FYB1: variants seen among roughly 807,000 people sequenced by gnomAD.
FYB1 encodes the protein FYN binding protein 1, also known as FYN-binding protein 1.
A neutral mutation model predicts 94.1 loss-of-function variants in FYB1; 41 were observed. The observed-to-expected ratio is 0.44, with a 90% CI of 0.34 to 0.57. The LOEUF (loss-of-function observed/expected upper bound fraction) is 0.57, where lower values mean the gene tolerates loss of function less well. FYB1 is among the 20% of genes least tolerant of loss of function. The pLI is 0.02. For missense variants in FYB1, 1,050 were observed against 976.8 expected, an observed-to-expected ratio of 1.07 and a Z score of -1.00; for synonymous variants, 367 against 353.2, an observed-to-expected ratio of 1.04 and a Z score of -0.44.
Position 39,168,205 on chromosome 5 carries a change from T to A in FYB1, c.1136-14601A>T, listed in dbSNP as rs28587564. Among the ~76,000 whole-genome samples, 687 of 152,340 alleles carry A rather than the reference T, an allele frequency of 4.5e-3. 4 individuals are homozygous for A. The highest frequency in any genetic ancestry group is 0.016 in the African/African-American group (645 of 41,570). ...TATTCCATTTTTAATTAAAGTGCCGTAATCAGGAATATTTCTCTTGAGTTT... is the reference window on the plus strand; with the variant it reads ...TATTCCATTTTTAATTAAAGTGCCGAAATCAGGAATATTTCTCTTGAGTTT... On this transcript the variant is annotated intron_variant, in intron 2 of 18. Coordinates refer to ENST00000512982, the MANE Select transcript of FYB1 (RefSeq NM_001465.6).
intron 5 of FYB1, chr5:39,138,978 T>C: frequency 1.8e-6 from 1 of 547,774 alleles, no homozygotes; most frequent in South Asian, 2.3e-5. Flanking sequence ...AAAATTTCCT[T>C]TTCTATCTTG....
At position 39,134,882 on chromosome 5, in the gene FYB1, A is replaced by G; in HGVS notation, c.1648T>C (p.Trp550Arg). ...GAACCCCTTGCTGTTCTGCCCAACC[A>G]TTTTCCTTCTGGGTTGTCTGTGATG... ...IRITDNPEGK[W>R]LGRTARGSYG... The change falls in exon 8 of 19, where the codon TGG becomes CGG. Residue 550 changes from tryptophan (W) to arginine (R), a missense_variant. Transcript: ENST00000512982. The G allele has an allele frequency of 1.9e-6, 3 of 1,613,486 alleles. No homozygotes were observed. The highest frequency in any genetic ancestry group is 2.5e-6 in the Non-Finnish European group (3 of 1,179,812).
chr5:39,138,668 T>C lies in FYB1; in HGVS notation c.1383A>G (p.Thr461=). The C allele has an allele frequency of 1.3e-6, 2 of 1,524,532 alleles. No individual in the cohort carries two copies. The highest frequency in any genetic ancestry group is 1.8e-6 in the Non-Finnish European group (2 of 1,106,742). The allele number at this position is 1,524,532 out of a possible 1,614,324, so 94.4% of individuals were successfully genotyped here. A position where few individuals can be genotyped will look rare whatever the true frequency, so the allele number is the denominator to read the frequency against. ...AATGTAATTCATACATGTCTTCATA[T>C]GTTTCTCCTTCACTGTCTTGTTCCT... ...LDEEQDSEGE[T]YEDIEASKER... Residue 461 remains threonine, a synonymous_variant, in exon 6 of 19, where the codon ACA becomes ACG. Coordinates refer to ENST00000512982, the MANE Select transcript of FYB1 (RefSeq NM_001465.6).
intron 1 of FYB1, among the ~76,000 whole-genome samples, chr5:39,217,905 C>T (rs76278782): frequency 0.011 from 1,747 of 152,268 alleles, 16 homozygotes; most frequent in Non-Finnish European, 0.019. Context: ...GTTTTTAAAG[C>T]ACATTGAGGC....
intron 2 of FYB1, among the ~76,000 whole-genome samples, chr5:39,156,498 G>A (rs1414000877): frequency 2.0e-5 from 3 of 152,136 alleles, no homozygotes; most frequent in Non-Finnish European, 1.5e-5. Context: ...ATTAGTTTTG[G>A]ACAATTGTCA....
At chr5:39,224,093 C>A (rs748406104), upstream of FYB1, among the ~76,000 whole-genome samples, 11 of 152,056 alleles carry the variant, frequency 7.2e-5, no homozygotes, top group Non-Finnish European at 1.3e-4. Flanking sequence ...TATTTTTCCA[C>A]AATTAAAAAA....
Position 39,105,771 on chromosome 5 carries a change from G to T in FYB1, c.*1672C>A, listed in dbSNP as rs910560840. ...AGTGTGAAAAGAAATTAATCACATG[G>T]TCATATACTGGCTAGTGCTCTCTAA... On this transcript the variant is annotated 3_prime_UTR_variant, in exon 19 of 19. Transcript: ENST00000512982. The T allele has an allele frequency of 2.6e-5, 4 of 152,014 alleles. No individual in the cohort carries two copies. Among genetic ancestry groups the T allele is most frequent in the African/African-American group, 9.7e-5 (4 of 41,382 alleles). The allele number at this position is 152,014 out of a possible 1,614,324, so 9.4% of individuals were successfully genotyped here. A position where few individuals can be genotyped will look rare whatever the true frequency, so the allele number is the denominator to read the frequency against.
chr5:39,105,779 C>T lies in FYB1; in HGVS notation c.*1664G>A, dbSNP rs1184004868. 1 of 152,116 alleles carries T rather than the reference C, an allele frequency of 6.6e-6. No individual in the cohort carries two copies. The highest frequency in any genetic ancestry group is 1.5e-5 in the Non-Finnish European group (1 of 68,018). 9.4% of individuals were successfully genotyped at this position (152,116 alleles called of 1,614,324 possible). A position where few individuals can be genotyped will look rare whatever the true frequency, so the allele number is the denominator to read the frequency against. ...AAGAAATTAATCACATGGTCATATA[C>T]TGGCTAGTGCTCTCTAAAAGTAGAC... is the stretch of plus-strand genomic sequence containing the variant. On this transcript the variant is annotated 3_prime_UTR_variant, in exon 19 of 19. Transcript: ENST00000512982.
intron 2 of FYB1, among the ~76,000 whole-genome samples, chr5:39,156,796 A>G (rs1743803328): frequency 6.6e-6 from 1 of 152,218 alleles, no homozygotes; most frequent in Non-Finnish European, 1.5e-5. Context: ...TGACTCTAAA[A>G]TCTCAATCTG....
upstream of FYB1, chr5:39,219,722 C>G (rs1750145744): frequency 2.4e-6 from 1 of 410,868 alleles, no homozygotes; most frequent in Admixed American, 6.4e-5. Context: ...AGTGTCTGTT[C>G]AGCCTGGATA....
At chr5:39,188,553 T>C (rs2150450069) in intron 2 of FYB1, among the ~76,000 whole-genome samples, 1 of 147,260 alleles carries the variant, frequency 6.8e-6, no homozygotes, top group African/African-American at 2.5e-5. Context: ...TTTTTTTTTT[T>C]TTTTTTTTGA....
chr5:39,202,394 G>C lies in FYB1; in HGVS notation c.567C>G (p.Pro189=). Residue 189 remains proline, a synonymous_variant, in exon 2 of 19, where the codon CCC becomes CCG. Transcript: ENST00000512982. ...KFMSASQDLE[P]KPLFPKPAFG... is the part of the protein sequence containing the mutation. ...AGGCGGGTTTGGGGAAGAGGGGCTT[G>C]GGTTCAAGATCTTGTGATGCTGACA... The C allele has an allele frequency of 4.3e-6, 7 of 1,613,926 alleles. No individual in the cohort carries two copies. Among genetic ancestry groups the C allele is most frequent in the Non-Finnish European group, 5.9e-6 (7 of 1,179,888 alleles).
At chr5:39,172,062 T>G (rs1745295013) in intron 2 of FYB1, among the ~76,000 whole-genome samples, 1 of 152,204 alleles carries the variant, frequency 6.6e-6, no homozygotes, top group Non-Finnish European at 1.5e-5. Context: ...TAATGCATTC[T>G]TTATATAATA....
Position 39,126,058 on chromosome 5 carries a change from C to T in FYB1, c.1985G>A (p.Arg662Lys). ...AGGTTTCTCTCGTATACTTTTCTTT[C>T]TGTCATCTTTTCCCTTTAACATCTT... The part of the protein sequence containing the change: ...ILKMLKGKDD[R>K]KKSIREKPKV... Residue 662 changes from arginine (R) to lysine (K), a missense_variant, in exon 12 of 19, where the codon AGA (arginine) becomes AAA (lysine). Transcript: ENST00000512982. The T allele has an allele frequency of 6.2e-7, 1 of 1,613,426 alleles. No homozygotes were observed. The highest frequency in any genetic ancestry group is 8.5e-7 in the Non-Finnish European group (1 of 1,179,590).
intron 1 of FYB1, among the ~76,000 whole-genome samples, chr5:39,206,656 G>A (rs1309833450): frequency 6.6e-6 from 1 of 152,120 alleles, no homozygotes; most frequent in Non-Finnish European, 1.5e-5. Flanking sequence ...TGTTGTTCTG[G>A]AATAATGATT....
At chr5:39,224,467 A>T (rs775793017), upstream of FYB1, among the ~76,000 whole-genome samples, 1 of 152,112 alleles carries the variant, frequency 6.6e-6, no homozygotes, top group Non-Finnish European at 1.5e-5. Context: ...GCCTTTCTGG[A>T]AGCTTGTTGT....
chr5:39,148,380 G>GTTTTT lies in FYB1; in HGVS notation c.1292+5067_1292+5068insAAAAA, dbSNP rs1561176115. 1.7e-4 allele frequency among the ~76,000 whole-genome samples: 11 copies of GTTTTT among 66,484 alleles called. No homozygotes were observed. The South Asian group carries it at 2.3e-3, about 14-fold the overall frequency. 43.6% of individuals were successfully genotyped at this position (66,484 alleles called of 152,430 possible). On this transcript the variant is annotated intron_variant, in intron 3 of 18. Transcript: ENST00000512982. The stretch of plus-strand genomic sequence containing the variant: ...TGCATTTAGCTTTTAATTATCAGCA[G>GTTTTT]GTTTTTTTTTTTTTTTTTTTTTTTT...
At chr5:39,151,207 T>A (rs947500871) in intron 3 of FYB1, among the ~76,000 whole-genome samples, 7 of 152,194 alleles carry the variant, frequency 4.6e-5, no homozygotes, top group African/African-American at 1.7e-4. Context: ...ACACTCCACC[T>A]CCACCACTTA....
intron 1 of FYB1, chr5:39,208,731 G>C (rs1749077869): frequency 6.6e-6 from 1 of 152,204 alleles, no homozygotes. Flanking sequence ...GTGCTGGTTA[G>C]GAGACCCAGG....
Sources: allele counts gnomAD v4.1 joint callset (sites outside exome capture counted in the v4.1 genomes callset), GRCh38; gene constraint gnomAD v4.1.1; transcripts MANE v1.5; gene names NCBI Gene and HGNC (gene_info 2026-07-23, HGNC 2026-07-21).